Variants in MARCHF3 observed in about 807,000 individuals in gnomAD.
MARCHF3 encodes the protein E3 ubiquitin-protein ligase MARCHF3.
Under a neutral mutation model 24.2 loss-of-function variants are expected in MARCHF3, and 13 were observed. The ratio of observed to expected loss-of-function variants is 0.54; its 90% CI spans 0.35 to 0.85. The LOEUF (loss-of-function observed/expected upper bound fraction) is 0.85, where lower values mean the gene tolerates loss of function less well. Ranked by LOEUF, MARCHF3 falls within the 40% of genes least tolerant of loss-of-function variation. The pLI is 0.01. For missense variants in MARCHF3, 276 were observed against 325.0 expected (o/e 0.85, Z 1.16); for synonymous variants, 144 against 137.3 (o/e 1.05, Z -0.34).
At chr5:126,938,965 G>C (rs1179357438) in intron 1 of MARCHF3, among the ~76,000 whole-genome samples, 1 of 152,204 alleles carries the variant, frequency 6.6e-6, no homozygotes, top group Non-Finnish European at 1.5e-5. Context: ...AGAGGTCTAA[G>C]CTTGTCCCGT....
chr5:126,933,608 C>G (rs1485881417), intron 1 of MARCHF3, among the ~76,000 whole-genome samples: 1 of 152,026 alleles, frequency 6.6e-6, no homozygotes, highest in Admixed American at 6.5e-5. Flanking sequence ...CCACGCTCGG[C>G]TAATTTTTTG....
chr5:127,008,446 T>C (rs970383438), intron 1 of MARCHF3, among the ~76,000 whole-genome samples: 2 of 152,134 alleles, frequency 1.3e-5, no homozygotes, highest in African/African-American at 2.4e-5. Flanking sequence ...GTGAATCCAC[T>C]CAGAATTGGG....
chr5:126,908,381 G>A (rs2126787776), intron 3 of MARCHF3, among the ~76,000 whole-genome samples: 1 of 152,254 alleles, frequency 6.6e-6, no homozygotes, highest in Non-Finnish European at 1.5e-5. Context: ...TTGCTAGATT[G>A]GGGAGGTTCT....
chr5:127,024,648 G>A lies in MARCHF3; in HGVS notation c.-57+5702C>T, dbSNP rs78994474. Among the ~76,000 whole-genome samples the A allele has an allele frequency of 7.1e-3, 1,074 of 152,258 alleles. 8 individuals carry two copies. Among genetic ancestry groups the A allele is most frequent in the Non-Finnish European group, 0.011 (723 of 68,016 alleles). ...AAGATTACCTGAAATATCACTGAAG[G>A]ACTGGGAGCTAGTTCTTATCACCAC... On this transcript the variant is annotated intron_variant, in intron 1 of 4. Transcript: ENST00000308660.
intron 1 of MARCHF3, among the ~76,000 whole-genome samples, chr5:127,027,243 C>T (rs2126867671): frequency 6.6e-6 from 1 of 152,290 alleles, no homozygotes; most frequent in East Asian, 1.9e-4. Context: ...GCTCAAAATA[C>T]TCCTAAGGTG....
In MARCHF3 at chr5:127,029,697, AG is replaced by A. The variant is rs201423893; in HGVS notation, c.-57+652del. Among the ~76,000 whole-genome samples the A allele has an allele frequency of 4.3e-3, 659 of 152,326 alleles. 8 individuals carry two copies. Among genetic ancestry groups the A allele is most frequent in the African/African-American group, 0.015 (629 of 41,580 alleles). On this transcript the variant is annotated intron_variant, in intron 1 of 4. Transcript: ENST00000308660. The stretch of plus-strand genomic sequence containing the variant: ...CAAGGCACTGGGCACCAGAACCGAC[AG>A]CAGCTCCCGCCTGGTCCTAACGAAG...
At chr5:126,936,676 A>ACAAATGTTTT (rs1749657039) in intron 1 of MARCHF3, among the ~76,000 whole-genome samples, 1 of 152,240 alleles carries the variant, frequency 6.6e-6, no homozygotes, top group South Asian at 2.1e-4. Flanking sequence ...AAAACAGTTG[A>ACAAATGTTTT]ACAAATAGCA....
intron 1 of MARCHF3, among the ~76,000 whole-genome samples, chr5:127,001,908 C>T (rs957185821): frequency 1.3e-4 from 20 of 152,196 alleles, no homozygotes; most frequent in African/African-American, 4.8e-4. Flanking sequence ...CATGGCATCA[C>T]TACACTCTGA....
chr5:127,003,308 A>C (rs1752193484), intron 1 of MARCHF3, among the ~76,000 whole-genome samples: 1 of 150,368 alleles, frequency 6.7e-6, no homozygotes, highest in African/African-American at 2.5e-5. Flanking sequence ...TCTACTAAAA[A>C]TACAAAAAAT....
intron 1 of MARCHF3, among the ~76,000 whole-genome samples, chr5:126,945,230 C>A (rs185349841): frequency 2.6e-5 from 4 of 152,300 alleles, no homozygotes; most frequent in African/African-American, 9.6e-5. Flanking sequence ...GTATTTACAC[C>A]GTGGGATTGG....
rs374535643 is a variant in MARCHF3, at chr5:126,980,948, GC to G, written c.-57+49401del. On this transcript the variant is annotated intron_variant, in intron 1 of 4. Transcript: ENST00000308660. ...GTGGATTTCCAATATTCCATCCATG[GC>G]CCCAGACTGAAAGTCAAGAGCAGTT... 1.2e-4 allele frequency among the ~76,000 whole-genome samples: 18 copies of G among 152,170 alleles called. No homozygotes were observed. In the East Asian group the frequency reaches 3.5e-3, roughly 29 times the overall value.
chr5:126,989,121 A>C (rs941858590), intron 1 of MARCHF3, among the ~76,000 whole-genome samples: 1 of 152,014 alleles, frequency 6.6e-6, no homozygotes, highest in African/African-American at 2.4e-5. Context: ...CTCTACAAAA[A>C]TTAAAAAATT....
At chr5:126,917,889 A>G (rs1349040468) in intron 2 of MARCHF3, 95 bp downstream of exon 2, 1 of 1,289,020 alleles carries the variant, frequency 7.8e-7, no homozygotes, top group Non-Finnish European at 1.1e-6. Context: ...TGACACAAAG[A>G]CCTGAGCACT....
intron 1 of MARCHF3, among the ~76,000 whole-genome samples, chr5:127,011,738 G>A (rs1752481063): frequency 6.6e-6 from 1 of 152,114 alleles, no homozygotes; most frequent in African/African-American, 2.4e-5. Flanking sequence ...TAACTGGTTG[G>A]TTATTCCTTG....
intron 3 of MARCHF3, among the ~76,000 whole-genome samples, chr5:126,913,316 G>C (rs1754603753): frequency 6.6e-6 from 1 of 152,242 alleles, no homozygotes; most frequent in Non-Finnish European, 1.5e-5. Flanking sequence ...ACTGTGGGAA[G>C]CCAGCTTCCC....
chr5:126,977,438 A>G (rs1751241482), intron 1 of MARCHF3, among the ~76,000 whole-genome samples: 1 of 152,172 alleles, frequency 6.6e-6, no homozygotes, highest in African/African-American at 2.4e-5. Context: ...ATCTACCTCT[A>G]ATGTATATTT....
chr5:126,915,308 T>A (rs1161168601), intron 2 of MARCHF3, among the ~76,000 whole-genome samples, 174 bp from the exon 3 acceptor site: 4 of 152,212 alleles, frequency 2.6e-5, no homozygotes, highest in Non-Finnish European at 5.9e-5. Context: ...CTAGAGCACT[T>A]GGGTCACCTA....
At chr5:126,976,808 G>T (rs1286074126) in intron 1 of MARCHF3, among the ~76,000 whole-genome samples, 1 of 152,204 alleles carries the variant, frequency 6.6e-6, no homozygotes, top group Non-Finnish European at 1.5e-5. Context: ...AGCCCCATTG[G>T]GCCCTCCACC....
chr5:126,919,915 TG>T (rs1455441211), intron 1 of MARCHF3, among the ~76,000 whole-genome samples: 2 of 152,200 alleles, frequency 1.3e-5, no homozygotes, highest in Non-Finnish European at 2.9e-5. Context: ...AGACCTGATG[TG>T]GGGGCACAGG....
Sources: allele counts gnomAD v4.1 joint callset (sites outside exome capture counted in the v4.1 genomes callset), GRCh38; gene constraint gnomAD v4.1.1; transcripts MANE v1.5; gene names NCBI Gene and HGNC (gene_info 2026-07-23, HGNC 2026-07-21).